CPLANE1: variants seen among roughly 807,000 people sequenced by gnomAD.
The protein encoded by CPLANE1 is ciliogenesis and planar polarity effector complex subunit 1.
A neutral mutation model predicts 362.5 loss-of-function variants in CPLANE1; 263 were observed. The ratio of observed to expected loss-of-function variants is 0.73; its 90% CI spans 0.66 to 0.80. CPLANE1 has a LOEUF of 0.80. Among genes scored for constraint, CPLANE1 ranks in the 30% least tolerant of loss-of-function variants. The pLI, the probability that CPLANE1 is intolerant of heterozygous loss-of-function variation, is 0.00. For missense variants in CPLANE1, 3,461 were observed against 3,793.4 expected (o/e 0.91, Z 2.30); for synonymous variants, 1,212 against 1,302.6 (o/e 0.93, Z 1.50).
At chr5:37,104,048 G>A (rs1013717113), downstream of CPLANE1, among the ~76,000 whole-genome samples, 3 of 152,028 alleles carry the variant, frequency 2.0e-5, no homozygotes, top group South Asian at 4.1e-4. Flanking sequence ...TTTCTTGGAG[G>A]TTTTGTTAGT....
intron 41 of CPLANE1, among the ~76,000 whole-genome samples, chr5:37,155,471 CT>C (rs1345790523): frequency 6.6e-6 from 1 of 152,138 alleles, no homozygotes; most frequent in Admixed American, 6.5e-5. Flanking sequence ...GCCTCCTGGA[CT>C]CAAGCAATCC....
intron 6 of CPLANE1, 88 bp downstream of exon 6, chr5:37,242,925 A>AC: frequency 2.5e-6 from 2 of 796,788 alleles, no homozygotes; most frequent in African/African-American, 1.8e-5. Context: ...TTGTGCCACT[A>AC]CCCCCCAGTC....
chr5:37,241,284 T>G (rs938785884), intron 6 of CPLANE1, among the ~76,000 whole-genome samples: 5 of 152,134 alleles, frequency 3.3e-5, no homozygotes, highest in African/African-American at 7.2e-5. Flanking sequence ...CGAAACCCCA[T>G]CTTTACTAAA....
chr5:37,107,965 T>G (rs914145944), intron 52 of CPLANE1, among the ~76,000 whole-genome samples, 187 bp from the exon 53 acceptor site: 5 of 152,194 alleles, frequency 3.3e-5, no homozygotes, highest in African/African-American at 1.2e-4. Context: ...GGACAAGAGC[T>G]GAACATCATC....
chr5:37,244,685 T>C (rs1360482497), intron 4 of CPLANE1, 78 bp from the exon 5 acceptor site: 20 of 837,090 alleles, frequency 2.4e-5, no homozygotes, highest in Non-Finnish European at 3.5e-5. Flanking sequence ...TTATGTATTC[T>C]TACAATAAAA....
At chr5:37,077,467 T>C in the CPLANE1 span, among the ~76,000 whole-genome samples, 1 of 152,184 alleles carries the variant, frequency 6.6e-6, no homozygotes, top group Non-Finnish European at 1.5e-5. Flanking sequence ...TAGAATTGTC[T>C]CTTTTCCAAT....
intron 20 of CPLANE1, among the ~76,000 whole-genome samples, chr5:37,197,832 C>G (rs1415472380): frequency 6.6e-6 from 1 of 152,056 alleles, no homozygotes; most frequent in African/African-American, 2.4e-5. Context: ...AATTCCAGGT[C>G]ATTTTCATCA....
chr5:37,196,313 T>C (rs1031311057), intron 20 of CPLANE1, among the ~76,000 whole-genome samples: 1 of 152,182 alleles, frequency 6.6e-6, no homozygotes, highest in Non-Finnish European at 1.5e-5. Flanking sequence ...TTTAAGAATC[T>C]TAATCTTATC....
At chr5:37,171,929 G>A (rs1163835889) in intron 32 of CPLANE1, among the ~76,000 whole-genome samples, 1 of 151,998 alleles carries the variant, frequency 6.6e-6, no homozygotes. Context: ...TGAGACTATA[G>A]GCATGTGCTA....
the CPLANE1 span, among the ~76,000 whole-genome samples, chr5:37,087,050 A>T: frequency 6.6e-6 from 1 of 152,222 alleles, no homozygotes; most frequent in Non-Finnish European, 1.5e-5. Flanking sequence ...CAACAGAAAC[A>T]GTATATAAAA....
At chr5:37,248,960 C>G (rs576197275) in intron 1 of CPLANE1, among the ~76,000 whole-genome samples, 4 of 152,308 alleles carry the variant, frequency 2.6e-5, no homozygotes, top group African/African-American at 9.6e-5. Flanking sequence ...AGGTGTGGCC[C>G]GAGCCTGGCA....
At chr5:37,164,811 G>C (rs1314314494) in intron 36 of CPLANE1, among the ~76,000 whole-genome samples, 3 of 152,180 alleles carry the variant, frequency 2.0e-5, no homozygotes, top group Non-Finnish European at 4.4e-5. Flanking sequence ...TATTTTAAAA[G>C]ACCTGACTTA....
intron 20 of CPLANE1, among the ~76,000 whole-genome samples, chr5:37,198,144 C>T (rs1447337116): frequency 6.6e-6 from 1 of 152,076 alleles, no homozygotes; most frequent in African/African-American, 2.4e-5. Flanking sequence ...ATAAAAAGAC[C>T]TACCAGGTGT....
At chr5:37,108,259 T>C in intron 52 of CPLANE1, 34 bp downstream of exon 52, 1 of 1,577,074 alleles carries the variant, frequency 6.3e-7, no homozygotes, top group Non-Finnish European at 8.7e-7. Flanking sequence ...CATAGAGCAA[T>C]CACTAGACAA....
chr5:37,231,438 G>A (rs1451095552), intron 8 of CPLANE1, among the ~76,000 whole-genome samples: 1 of 152,138 alleles, frequency 6.6e-6, no homozygotes, highest in Admixed American at 6.5e-5. Flanking sequence ...GTGGTGGCGG[G>A]TGCCCATAAT....
At chr5:37,175,653 CT>C (rs544917747) in intron 31 of CPLANE1, among the ~76,000 whole-genome samples, 1 of 152,144 alleles carries the variant, frequency 6.6e-6, no homozygotes, top group African/African-American at 2.4e-5. Context: ...TATATCACTA[CT>C]TTTTTTCAGA....
At position 37,198,813 on chromosome 5, in the gene CPLANE1, T is replaced by C; in HGVS notation, c.3561A>G (p.Val1187=). 6 of 1,614,098 alleles carry C rather than the reference T, an allele frequency of 3.7e-6. No individual in the cohort carries two copies. The highest frequency in any genetic ancestry group is 5.1e-6 in the Non-Finnish European group (6 of 1,179,984). The part of the protein sequence containing the change: ...LKAEKNNRQK[V]SGILQRVLLL... Reference sequence around the variant, plus strand: ...GGAGAACACGCTGAAGGATTCCAGATACCTTCTGGCGATTATTTTTTTCAG... The same window carrying C: ...GGAGAACACGCTGAAGGATTCCAGACACCTTCTGGCGATTATTTTTTTCAG... The change falls in exon 20 of 53, where the codon GTA becomes GTG. Residue 1187 remains valine (V), a synonymous_variant. Coordinates refer to ENST00000651892, the MANE Select transcript of CPLANE1 (RefSeq NM_001384732.1).
At chr5:37,123,614 A>G (rs1763286420) in intron 47 of CPLANE1, among the ~76,000 whole-genome samples, 1 of 152,186 alleles carries the variant, frequency 6.6e-6, no homozygotes, top group African/African-American at 2.4e-5. Context: ...GATCTTCTCA[A>G]CTGGGCACAA....
rs147588579 is a variant in CPLANE1 at position 37,183,388 on chromosome 5, G to T, written c.4793C>A (p.Thr1598Lys). The T allele has an allele frequency of 9.2e-4, 1,485 of 1,613,196 alleles. 15 individuals carry two copies. The Middle Eastern group carries it at 0.014, about 15-fold the overall frequency. Residue 1598 changes from threonine to lysine, a missense_variant, in exon 26 of 53, where the codon ACA becomes AAA. This residue lies in a region of CPLANE1 where 3,380 missense variants were observed against 3,666.1 expected (regional missense o/e 0.92). Transcript: ENST00000651892. ...TTTGCTCTGATGTCGTTTTAATGTT[G>T]TATGTACATCAAAAAGTAAAGAATT... ...ELNSLLFDVHTTLKRHQSKTK... is the reference protein window; with the variant it reads ...ELNSLLFDVHKTLKRHQSKTK...
Sources: gnomAD v4.1 joint callset for allele counts (sites outside exome capture counted in the v4.1 genomes callset) on GRCh38, gnomAD v4.1.1 for gene constraint, gnomAD v4.1.1 regional missense constraint, MANE v1.5 for transcripts, NCBI Gene and HGNC (gene_info 2026-07-23, HGNC 2026-07-21) for gene names.